Variants in CACNA2D3 observed in about 807,000 individuals in gnomAD.
CACNA2D3 encodes the protein voltage-dependent calcium channel subunit alpha-2/delta-3.
In CACNA2D3, 60 loss-of-function variants were observed where a neutral mutation model predicts 160.6. That is an observed-to-expected ratio of 0.37 (90% CI 0.30 to 0.46). The LOEUF (loss-of-function observed/expected upper bound fraction) is 0.46. CACNA2D3 is among the 20% of genes least tolerant of loss of function. The probability of loss-of-function intolerance (pLI) is 1.00; values close to 1 mark genes in which losing one functional copy is unlikely to be tolerated. For synonymous variants in CACNA2D3, 558 were observed against 492.9 expected (o/e 1.13, Z -1.75); for missense variants, 1,205 against 1,365.0 (o/e 0.88, Z 1.85).
intron 2 of CACNA2D3, among the ~76,000 whole-genome samples, chr3:54,244,756 A>C (rs1451405193): frequency 6.6e-6 from 1 of 152,250 alleles, no homozygotes; most frequent in African/African-American, 2.4e-5. Context: ...GCAAGACTTT[A>C]GCTTCATTGT....
At chr3:54,883,443 A>C (rs1699848995) in intron 21 of CACNA2D3, among the ~76,000 whole-genome samples, 1 of 152,216 alleles carries the variant, frequency 6.6e-6, no homozygotes, top group South Asian at 2.1e-4. Flanking sequence ...CCAATGTCAG[A>C]GGTGAGAGAA....
At chr3:54,654,409 A>G (rs1188271258) in intron 11 of CACNA2D3, among the ~76,000 whole-genome samples, 2 of 152,214 alleles carry the variant, frequency 1.3e-5, no homozygotes, top group Non-Finnish European at 2.9e-5. Flanking sequence ...AGGGACAGGC[A>G]TCTACCAGTT....
At chr3:54,821,736 T>C (rs908780794) in intron 14 of CACNA2D3, among the ~76,000 whole-genome samples, 3 of 148,258 alleles carry the variant, frequency 2.0e-5, no homozygotes, top group African/African-American at 7.4e-5. Context: ...TCTCTCTCTC[T>C]TTCTCTCTCT....
intron 5 of CACNA2D3, among the ~76,000 whole-genome samples, chr3:54,517,303 A>G (rs367888792): frequency 6.6e-6 from 1 of 152,340 alleles, no homozygotes; most frequent in African/African-American, 2.4e-5. Flanking sequence ...GTTTTCTTGG[A>G]TCCGCCTGGT....
intron 9 of CACNA2D3, among the ~76,000 whole-genome samples, chr3:54,617,847 G>T (rs1698888309): frequency 6.6e-6 from 1 of 152,070 alleles, no homozygotes; most frequent in African/African-American, 2.4e-5. Flanking sequence ...GAGCCCTGAG[G>T]CCACCACTGG....
chr3:54,415,179 G>C (rs1367033258), intron 4 of CACNA2D3, among the ~76,000 whole-genome samples: 1 of 152,122 alleles, frequency 6.6e-6, no homozygotes, highest in Non-Finnish European at 1.5e-5. Context: ...GCTGACTGCA[G>C]AAATCATTGG....
At chr3:54,626,384 A>G in intron 9 of CACNA2D3, 27 of 1,567,928 alleles carry the variant, frequency 1.7e-5, no homozygotes, top group Non-Finnish European at 2.2e-5. Flanking sequence ...TCCCTGCTGA[A>G]GTGCCTGCGC....
At chr3:54,605,177 A>G (rs1207460072) in intron 9 of CACNA2D3, among the ~76,000 whole-genome samples, 1 of 152,104 alleles carries the variant, frequency 6.6e-6, no homozygotes, top group Non-Finnish European at 1.5e-5. Context: ...CACCAGTCAT[A>G]TTGCATTAGG....
chr3:54,494,761 GA>G lies in CACNA2D3; in HGVS notation c.382-8730del, dbSNP rs1175208280. On this transcript the variant is annotated intron_variant, in intron 4 of 37. Coordinates refer to ENST00000474759, the MANE Select transcript of CACNA2D3 (RefSeq NM_018398.3). ...TGACTCACAGTTCCACATGGCTGGGGAGGCCTCAGGAAACTTACAATCATGG... is the reference window on the plus strand; with the variant it reads ...TGACTCACAGTTCCACATGGCTGGGGGGCCTCAGGAAACTTACAATCATGG... 2.0e-5 allele frequency among the ~76,000 whole-genome samples: 3 copies of G among 152,288 alleles called. No homozygotes were observed. The East Asian group carries it at 5.8e-4, about 29-fold the overall frequency.
At chr3:55,014,633 A>G (rs959257192) in intron 34 of CACNA2D3, among the ~76,000 whole-genome samples, 5 of 152,078 alleles carry the variant, frequency 3.3e-5, no homozygotes, top group African/African-American at 1.2e-4. Context: ...TTGGGAGGCT[A>G]AGGTAGGAGA....
At chr3:54,724,869 C>T (rs1158666183) in intron 11 of CACNA2D3, among the ~76,000 whole-genome samples, 1 of 151,964 alleles carries the variant, frequency 6.6e-6, no homozygotes, top group African/African-American at 2.4e-5. Context: ...AGAGAAGCAA[C>T]AGCAAACAAA....
Position 54,883,801 on chromosome 3 carries a change from C to G in CACNA2D3, c.1913-1480C>G, listed in dbSNP as rs955576133. Among the ~76,000 whole-genome samples the G allele has an allele frequency of 2.1e-3, 251 of 117,488 alleles. 1 individual carries two copies. The highest frequency in any genetic ancestry group is 9.2e-3 in the African/African-American group (236 of 25,780). The allele number at this position is 117,488 out of a possible 152,430, so 77.1% of individuals were successfully genotyped here. A position where few individuals can be genotyped will look rare whatever the true frequency, so the allele number is the denominator to read the frequency against. ...CTGACCTCCATAGTTACAATGGAATCTCTCTCTCTCTCTCTCTCTCTCCTC... is the reference window on the plus strand; with the variant it reads ...CTGACCTCCATAGTTACAATGGAATGTCTCTCTCTCTCTCTCTCTCTCCTC... On this transcript the variant is annotated intron_variant, in intron 21 of 37. Coordinates refer to ENST00000474759, the MANE Select transcript of CACNA2D3 (RefSeq NM_018398.3).
intron 27 of CACNA2D3, among the ~76,000 whole-genome samples, chr3:54,936,918 C>G (rs150455019): frequency 1.3e-5 from 2 of 152,264 alleles, no homozygotes; most frequent in African/African-American, 4.8e-5. Flanking sequence ...CGTGTATGCT[C>G]TCACTGCTAC....
chr3:54,737,269 A>C (rs1370250613), intron 11 of CACNA2D3, among the ~76,000 whole-genome samples: 1 of 151,822 alleles, frequency 6.6e-6, no homozygotes, highest in Non-Finnish European at 1.5e-5. Flanking sequence ...TGTAAATTAC[A>C]CCATGTGCTA....
chr3:54,920,556 TC>T (rs1376428360), intron 27 of CACNA2D3, among the ~76,000 whole-genome samples: 4 of 152,176 alleles, frequency 2.6e-5, no homozygotes, highest in Admixed American at 6.5e-5. Flanking sequence ...GAGCAGCTGC[TC>T]CAGATGAGTT....
At chr3:54,704,956 A>T (rs1700832079) in intron 11 of CACNA2D3, among the ~76,000 whole-genome samples, 1 of 151,950 alleles carries the variant, frequency 6.6e-6, no homozygotes, top group East Asian at 1.9e-4. Flanking sequence ...AAAGTAATGG[A>T]CTTTCCTGGG....
At chr3:54,606,231 G>A (rs1559524875) in intron 9 of CACNA2D3, among the ~76,000 whole-genome samples, 1 of 151,874 alleles carries the variant, frequency 6.6e-6, no homozygotes, top group Non-Finnish European at 1.5e-5. Context: ...TACTTTTCAG[G>A]GGCTGGAGAG....
chr3:54,277,852 T>C lies in CACNA2D3; in HGVS notation c.205-42590T>C, dbSNP rs1280952130. On this transcript the variant is annotated intron_variant, in intron 2 of 37. Transcript: ENST00000474759. ...TTGAAGAGGTCCTTCACATCCCTTG[T>C]AAGTTGTATTCCTAGGTGTTTTATT... 2.6e-5 allele frequency among the ~76,000 whole-genome samples: 4 copies of C among 152,186 alleles called. No homozygotes were observed. In the East Asian group the frequency reaches 7.7e-4, roughly 29 times the overall value.
intron 35 of CACNA2D3, among the ~76,000 whole-genome samples, chr3:55,057,790 A>C (rs1480470434): frequency 6.6e-6 from 1 of 151,986 alleles, no homozygotes. Flanking sequence ...TTGCATATTG[A>C]TATTCTTTGT....
Sources: gnomAD v4.1 joint callset for allele counts (sites outside exome capture counted in the v4.1 genomes callset) on GRCh38, gnomAD v4.1.1 for gene constraint, MANE v1.5 for transcripts, NCBI Gene and HGNC (gene_info 2026-07-23, HGNC 2026-07-21) for gene names.